PATJ: variants seen among roughly 807,000 people sequenced by gnomAD.
PATJ encodes the protein PATJ crumbs cell polarity complex component.
PATJ carries 190 observed loss-of-function variants against 224.9 expected under a neutral mutation model. That is an observed-to-expected ratio of 0.84 (90% CI 0.75 to 0.95). The LOEUF (loss-of-function observed/expected upper bound fraction) is 0.95, where lower values mean the gene tolerates loss of function less well. PATJ is among the 40% of genes least tolerant of loss of function. PATJ has a pLI of 0.00. For synonymous variants in PATJ, 769 were observed against 820.3 expected (o/e 0.94, Z 1.07); for missense variants, 2,121 against 2,270.3 (o/e 0.93, Z 1.34).
At chr1:62,117,455 C>G in intron 37 of PATJ, 2 of 1,344,806 alleles carry the variant, frequency 1.5e-6, no homozygotes, top group Non-Finnish European at 1.9e-6. Context: ...GCTCTTTTCT[C>G]TCTATTAGTT....
intron 28 of PATJ, among the ~76,000 whole-genome samples, chr1:62,010,922 C>G (rs2148325198): frequency 6.6e-6 from 1 of 152,302 alleles, no homozygotes; most frequent in East Asian, 1.9e-4. Context: ...CTTGCTGCTT[C>G]TCCTTGCATT....
intron 31 of PATJ, among the ~76,000 whole-genome samples, chr1:62,075,611 C>T (rs1658152019): frequency 1.3e-5 from 2 of 152,028 alleles, no homozygotes; most frequent in Admixed American, 1.3e-4. Context: ...AAGTGTAAAT[C>T]CTTTCTCTAG....
intron 21 of PATJ, among the ~76,000 whole-genome samples, chr1:61,879,937 C>T (rs937050438): frequency 6.6e-6 from 1 of 151,932 alleles, no homozygotes; most frequent in Non-Finnish European, 1.5e-5. Flanking sequence ...CTCCTGAGTT[C>T]AAGCTATTCT....
chr1:61,753,870 T>A (rs565647815), intron 1 of PATJ, among the ~76,000 whole-genome samples: 3 of 150,330 alleles, frequency 2.0e-5, no homozygotes, highest in African/African-American at 7.3e-5. Context: ...AAAAAATATA[T>A]AATAAATAAA....
At chr1:62,127,896 C>T in intron 39 of PATJ, 76 bp from the exon 40 acceptor site, 2 of 1,495,544 alleles carry the variant, frequency 1.3e-6, no homozygotes, top group Non-Finnish European at 1.8e-6. Flanking sequence ...TTTGTTCCAA[C>T]AGCTATCTAT....
chr1:61,893,552 A>G (rs1369182129), intron 22 of PATJ, among the ~76,000 whole-genome samples: 1 of 151,074 alleles, frequency 6.6e-6, no homozygotes, highest in African/African-American at 2.4e-5. Flanking sequence ...CATGATCCCA[A>G]CACTTTGGGA....
intron 27 of PATJ, among the ~76,000 whole-genome samples, chr1:61,929,704 A>G (rs1260404722): frequency 6.6e-6 from 1 of 152,202 alleles, no homozygotes; most frequent in Non-Finnish European, 1.5e-5. Context: ...ACTTGCTGTT[A>G]CTTAAAACTC....
At chr1:62,155,370 A>G (rs1183963278) in intron 43 of PATJ, among the ~76,000 whole-genome samples, 1 of 152,136 alleles carries the variant, frequency 6.6e-6, no homozygotes, top group Non-Finnish European at 1.5e-5. Context: ...GGACCCAGAC[A>G]CCTTTTGATG....
At chr1:62,069,076 A>AT (rs911989200) in intron 31 of PATJ, among the ~76,000 whole-genome samples, 2 of 152,136 alleles carry the variant, frequency 1.3e-5, no homozygotes, top group Admixed American at 6.6e-5. Flanking sequence ...TACTGCCATG[A>AT]TTTTTTTTCC....
chr1:62,136,663 GTC>G (rs112508338), intron 41 of PATJ, among the ~76,000 whole-genome samples: 8,260 of 26,426 alleles, frequency 0.31, 403 homozygotes, highest in African/African-American at 0.42. Flanking sequence ...GTGTGTGTGT[GTC>G]TGTGTGTGTG....
intron 30 of PATJ, among the ~76,000 whole-genome samples, chr1:62,041,206 G>C (rs1216986247): frequency 6.6e-6 from 1 of 152,142 alleles, no homozygotes; most frequent in East Asian, 1.9e-4. Context: ...GTTACCTTCA[G>C]GGGTTAACCT....
intron 29 of PATJ, among the ~76,000 whole-genome samples, chr1:62,033,664 C>T (rs1649759534): frequency 6.6e-6 from 1 of 152,090 alleles, no homozygotes; most frequent in African/African-American, 2.4e-5. Context: ...GTGGACACCC[C>T]AAGAAATGGC....
intron 27 of PATJ, among the ~76,000 whole-genome samples, chr1:61,954,726 C>T: frequency 6.7e-6 from 1 of 148,848 alleles, no homozygotes. Flanking sequence ...TTATCTTTTT[C>T]TTACATTTAT....
At chr1:62,016,426 T>A (rs1400592760) in intron 28 of PATJ, among the ~76,000 whole-genome samples, 1 of 152,194 alleles carries the variant, frequency 6.6e-6, no homozygotes, top group African/African-American at 2.4e-5. Flanking sequence ...TACTGTCCCT[T>A]ATATGGTACA....
At chr1:61,989,484 T>A (rs1227374035) in intron 27 of PATJ, among the ~76,000 whole-genome samples, 1 of 152,212 alleles carries the variant, frequency 6.6e-6, no homozygotes, top group Non-Finnish European at 1.5e-5. Context: ...ACCCTTTGTA[T>A]TAATATATAT....
At chr1:61,979,857 T>TA (rs1215114324) in intron 27 of PATJ, among the ~76,000 whole-genome samples, 1 of 151,974 alleles carries the variant, frequency 6.6e-6, no homozygotes, top group African/African-American at 2.4e-5. Flanking sequence ...AGGAGGAACT[T>TA]ACTAACGTCT....
intron 30 of PATJ, among the ~76,000 whole-genome samples, chr1:62,049,928 T>G (rs2148581795): frequency 6.6e-6 from 1 of 151,836 alleles, no homozygotes; most frequent in East Asian, 1.9e-4. Context: ...AGACCAGCCT[T>G]GCCAACACAG....
intron 27 of PATJ, among the ~76,000 whole-genome samples, chr1:61,971,137 T>C (rs1239189799): frequency 2.0e-5 from 3 of 152,170 alleles, no homozygotes; most frequent in Non-Finnish European, 2.9e-5. Flanking sequence ...ATAATTTACA[T>C]TTAACTCATT....
intron 17 of PATJ, chr1:61,846,240 A>G (rs1661932293): frequency 6.6e-6 from 1 of 152,186 alleles, no homozygotes; most frequent in Admixed American, 6.5e-5. Flanking sequence ...AATCTGTACT[A>G]TTGTTATTTC....
Sources: allele counts gnomAD v4.1 joint callset (sites outside exome capture counted in the v4.1 genomes callset), GRCh38; gene constraint gnomAD v4.1.1; transcripts MANE v1.5; gene names NCBI Gene and HGNC (gene_info 2026-07-23, HGNC 2026-07-21).